RETSAT: variants seen among roughly 807,000 people sequenced by gnomAD.
The protein encoded by RETSAT is retinol saturase.
Under a neutral mutation model 61.6 loss-of-function variants are expected in RETSAT, and 35 were observed. The observed-to-expected ratio is 0.57, with a 90% CI of 0.43 to 0.75. The LOEUF is 0.75. RETSAT is among the 30% of genes least tolerant of loss of function. The pLI is 0.00. For missense variants in RETSAT, 670 were observed against 759.5 expected, an observed-to-expected ratio of 0.88 and a Z score of 1.38; for synonymous variants, 277 against 310.4, an observed-to-expected ratio of 0.89 and a Z score of 1.13.
Position 85,349,448 on chromosome 2 carries a change from C to T in RETSAT, c.933G>A (p.Gly311=), listed in dbSNP as rs778965663. Residue 311 remains glycine (G), a synonymous_variant, in exon 5 of 11, where the codon GGG becomes GGA. Transcript: ENST00000295802. ...FHTIPVIQRA[G]GAVLTKATVQ... ...CAGTGGCCTTTGTGAGGACAGCGCC[C>T]CCAGCCCGCTGAATCACAGGGATGG... is the stretch of plus-strand genomic sequence containing the variant. The T allele has an allele frequency of 1.9e-6, 3 of 1,614,172 alleles. No homozygotes were observed. In the Admixed American group the frequency reaches 5.0e-5, roughly 27 times the overall value.
At chr2:85,346,127 G>T (rs1239099203) in intron 5 of RETSAT, 33 bp from the exon 6 acceptor site, 1 of 1,594,326 alleles carries the variant, frequency 6.3e-7, no homozygotes, top group Non-Finnish European at 8.6e-7. Flanking sequence ...GAGGGTCTGT[G>T]AGCTCTGGGA....
chr2:85,350,988 C>A lies in RETSAT; in HGVS notation c.389G>T (p.Ser130Ile), dbSNP rs1426106732. The change falls in exon 3 of 11, where the codon AGC (serine) becomes ATC (isoleucine). Residue 130 changes from serine to isoleucine, a missense_variant. Coordinates refer to ENST00000295802, the MANE Select transcript of RETSAT (RefSeq NM_017750.4). ...CTGGTCCAAGATAAAACGGCCAATG[C>A]TGCCCTCTTCCATACGCCCAATGTA... is the stretch of plus-strand genomic sequence containing the variant. ...IHYIGRMEEG[S>I]IGRFILDQIT... 3.1e-6 allele frequency: 5 copies of A among 1,614,034 alleles called. No individual in the cohort carries two copies. The highest frequency in any genetic ancestry group is 4.2e-6 in the Non-Finnish European group (5 of 1,180,036).
intron 1 of RETSAT, among the ~76,000 whole-genome samples, chr2:85,354,059 G>T (rs539290704): frequency 2.0e-5 from 3 of 149,962 alleles, no homozygotes; most frequent in Non-Finnish European, 3.0e-5. Flanking sequence ...ACGAGCCACG[G>T]GGATTACAAG....
rs181276284 is a variant in RETSAT at position 85,353,788 on chromosome 2, T to C, written c.172+548A>G. The stretch of plus-strand genomic sequence containing the variant: ...TTAAACTCTAGAAGCAACCACAAAA[T>C]ATGTTTTAAAGATGAGAGTGGAGAG... On this transcript the variant is annotated intron_variant, in intron 1 of 10. Transcript: ENST00000295802. Among the ~76,000 whole-genome samples the C allele has an allele frequency of 1.4e-3, 211 of 152,300 alleles. 1 individual carries two copies. The highest frequency in any genetic ancestry group is 2.6e-3 in the Non-Finnish European group (180 of 68,024).
chr2:85,344,359 C>T lies in RETSAT; in HGVS notation c.1257-11G>A. ...ACGTAGCGCTCCATCCTGCATGTGA[C>T]AAGAGTGTGGTGGGATCTCCAGGTT... On this transcript the variant is annotated splice_polypyrimidine_tract_variant and intron_variant, in intron 7 of 10. Transcript: ENST00000295802. 1 of 1,613,304 alleles carries T rather than the reference C, an allele frequency of 6.2e-7. No individual in the cohort carries two copies. Among genetic ancestry groups the T allele is most frequent in the Admixed American group, 1.7e-5 (1 of 60,004 alleles).
In RETSAT at chr2:85,344,182, A is replaced by C. The variant is rs756163104; in HGVS notation, c.1367-17T>G. ...TGGACCGGCCTGGGGATCAGAGCTG[A>C]TATTACTACTGCCCGGCCTCTCCCT... On this transcript the variant is annotated splice_polypyrimidine_tract_variant and intron_variant, in intron 8 of 10. Transcript: ENST00000295802. The C allele has an allele frequency of 6.2e-7, 1 of 1,613,844 alleles. No homozygotes were observed. Among genetic ancestry groups the C allele is most frequent in the Non-Finnish European group, 8.5e-7 (1 of 1,179,976 alleles).
rs1458746653 is a variant in RETSAT at position 85,349,507 on chromosome 2, G to A, written c.874C>T (p.Pro292Ser). ...GCAATTTCACTGGAACCCCCTCGGG[G>A]ATAAAAGCCTCCTTTCATGTAGTGG... is the stretch of plus-strand genomic sequence containing the variant. ...VNHYMKGGFY[P>S]RGGSSEIAFH... Residue 292 changes from proline to serine, a missense_variant, in exon 5 of 11, where the codon CCC becomes TCC. Transcript: ENST00000295802. The A allele has an allele frequency of 6.8e-6, 11 of 1,614,068 alleles. No individual in the cohort carries two copies. Among genetic ancestry groups the A allele is most frequent in the Non-Finnish European group, 8.5e-6 (10 of 1,180,048 alleles).
At position 85,350,963 on chromosome 2, in the gene RETSAT, C is replaced by G. The variant is rs780265249; in HGVS notation, c.414G>C (p.Gln138His). 1 of 1,614,136 alleles carries G rather than the reference C, an allele frequency of 6.2e-7. No homozygotes were observed. The highest frequency in any genetic ancestry group is 2.2e-5 in the East Asian group (1 of 44,868). The part of the protein sequence containing the change: ...EGSIGRFILD[Q>H]ITEGQLDWAP... Reference sequence around the variant, plus strand: ...CCCAGTCCAGCTGCCCTTCAGTGATCTGGTCCAAGATAAAACGGCCAATGC... The same window carrying G: ...CCCAGTCCAGCTGCCCTTCAGTGATGTGGTCCAAGATAAAACGGCCAATGC... The change falls in exon 3 of 11, where the codon CAG (glutamine) becomes CAC (histidine). Residue 138 changes from glutamine (Q) to histidine (H), a missense_variant. Gln to His is a conservative substitution (Grantham distance 24). Transcript: ENST00000295802.
rs1042221307 is a variant in RETSAT at position 85,342,961 on chromosome 2, A to C, written c.*281T>G. 30 of 333,484 alleles carry C rather than the reference A, an allele frequency of 9.0e-5. 1 individual carries two copies. The highest frequency in any genetic ancestry group is 1.6e-4 in the Non-Finnish European group (28 of 174,418). 20.7% of individuals were successfully genotyped at this position (333,484 alleles called of 1,614,324 possible). ...TAGGAGGCATGGGTGAGGGATGCAG[A>C]GCGCCGCTCGTCATGAGACATCAAG... On this transcript the variant is annotated 3_prime_UTR_variant, in exon 11 of 11. Coordinates refer to ENST00000295802, the MANE Select transcript of RETSAT (RefSeq NM_017750.4).
Position 85,342,015 on chromosome 2 carries a change from A to C in RETSAT, c.*1227T>G. 1 of 511,032 alleles carries C rather than the reference A, an allele frequency of 2.0e-6. No homozygotes were observed. The highest frequency in any genetic ancestry group is 3.2e-5 in the South Asian group (1 of 31,568). The allele number at this position is 511,032 out of a possible 1,614,324, so 31.7% of individuals were successfully genotyped here. ...CTTATTTTGGTGTTATTCAGTATAT[A>C]GTGTTTTACTGAGCTTCTGCAAATG... On this transcript the variant is annotated 3_prime_UTR_variant, in exon 11 of 11. Coordinates refer to ENST00000295802, the MANE Select transcript of RETSAT (RefSeq NM_017750.4).
At chr2:85,348,612 C>CA (rs1683242483) in intron 5 of RETSAT, among the ~76,000 whole-genome samples, 1 of 103,854 alleles carries the variant, frequency 9.6e-6, no homozygotes, top group Non-Finnish European at 1.8e-5. Flanking sequence ...GCCTGGGCAA[C>CA]AGAGCGAGAC....
At chr2:85,347,845 T>TA (rs932625346) in intron 5 of RETSAT, among the ~76,000 whole-genome samples, 7 of 152,220 alleles carry the variant, frequency 4.6e-5, no homozygotes, top group African/African-American at 1.7e-4. Flanking sequence ...TACCACCCGG[T>TA]AACTTATCAG....
At chr2:85,353,611 T>C (rs1683357702) in intron 1 of RETSAT, among the ~76,000 whole-genome samples, 1 of 152,200 alleles carries the variant, frequency 6.6e-6, no homozygotes, top group Non-Finnish European at 1.5e-5. Context: ...AACTCAGTTC[T>C]CAGAAGTCCA....
In RETSAT at chr2:85,341,965, A is replaced by G; in HGVS notation, c.*1277T>C. The stretch of plus-strand genomic sequence containing the variant: ...AGACCCCACTTTTTGTAACTTTATA[A>G]TTACTTAATTTTATTTTTTTAAAGC... On this transcript the variant is annotated 3_prime_UTR_variant, in exon 11 of 11. Coordinates refer to ENST00000295802, the MANE Select transcript of RETSAT (RefSeq NM_017750.4). The G allele has an allele frequency of 1.6e-6, 1 of 620,328 alleles. No individual in the cohort carries two copies. Among genetic ancestry groups the G allele is most frequent in the Non-Finnish European group, 2.7e-6 (1 of 363,870 alleles). 38.4% of individuals were successfully genotyped at this position (620,328 alleles called of 1,614,324 possible). A position where few individuals can be genotyped will look rare whatever the true frequency, so the allele number is the denominator to read the frequency against.
At chr2:85,352,143 C>T (rs746995551) in intron 1 of RETSAT, among the ~76,000 whole-genome samples, 21 of 152,218 alleles carry the variant, frequency 1.4e-4, no homozygotes, top group Non-Finnish European at 7.3e-5. Context: ...CAGCCTTGAA[C>T]TCCTGGCCTC....
chr2:85,348,608 G>C (rs1367871684), intron 5 of RETSAT, among the ~76,000 whole-genome samples: 2 of 122,486 alleles, frequency 1.6e-5, no homozygotes, highest in African/African-American at 6.4e-5. Context: ...TCCAGCCTGG[G>C]CAACAGAGCG....
rs775576032 is a variant in RETSAT, at chr2:85,350,076, G to A, written c.763C>T (p.Leu255Phe). 4.3e-6 allele frequency: 7 copies of A among 1,613,818 alleles called. No individual in the cohort carries two copies. The highest frequency in any genetic ancestry group is 5.9e-6 in the Non-Finnish European group (7 of 1,180,040). Residue 255 changes from leucine to phenylalanine, a missense_variant, in exon 4 of 11, where the codon CTC (leucine) becomes TTC (phenylalanine). Coordinates refer to ENST00000295802, the MANE Select transcript of RETSAT (RefSeq NM_017750.4). ...AAGATGTAGCTGAGTACTGCCTGGAGCTCAGAGGAGGCCCCCAGCTGCTGC... is the reference window on the plus strand; with the variant it reads ...AAGATGTAGCTGAGTACTGCCTGGAACTCAGAGGAGGCCCCCAGCTGCTGC... ...VLQQLGASSELQAVLSYIFPT... is the reference protein window; with the variant it reads ...VLQQLGASSEFQAVLSYIFPT...
Position 85,354,338 on chromosome 2 carries a change from T to C in RETSAT, c.170A>G (p.Gln57Arg), listed in dbSNP as rs201975804. Residue 57 changes from glutamine to arginine, a missense_variant and splice_region_variant, in exon 1 of 11, where the codon CAA becomes CGA. By Grantham distance (43) the Gln-to-Arg change is conservative (BLOSUM62 1). Transcript: ENST00000295802. ...DKEARKKVLK[Q>R]AFSANQVPEK... The stretch of plus-strand genomic sequence containing the variant: ...GACCCCAGGGTCCCTCCTGCTACCT[T>C]GTTTGAGAACCTTCTTCCTGGCCTC... 326 of 1,614,070 alleles carry C rather than the reference T, an allele frequency of 2.0e-4. No individual in the cohort carries two copies. The highest frequency in any genetic ancestry group is 2.5e-4 in the South Asian group (23 of 91,090).
At position 85,350,138 on chromosome 2, in the gene RETSAT, A is replaced by G. The variant is rs1683273643; in HGVS notation, c.701T>C (p.Phe234Ser). Residue 234 changes from phenylalanine (F) to serine (S), a missense_variant, in exon 4 of 11, where the codon TTC becomes TCC. Physicochemically the swap from Phe to Ser is radical, Grantham distance 155 (BLOSUM62 -2). Coordinates refer to ENST00000295802, the MANE Select transcript of RETSAT (RefSeq NM_017750.4). ...CAGGCTCTGGGTGGATGCTTGAAGG[A>G]ATGGAGAGAAACGAGTCAGCAGCCC... ...RCGLLTRFSP[F>S]LQASTQSLAE... The G allele has an allele frequency of 6.2e-7, 1 of 1,613,800 alleles. No homozygotes were observed. Among genetic ancestry groups the G allele is most frequent in the Admixed American group, 1.7e-5 (1 of 59,980 alleles).
Sources: allele counts gnomAD v4.1 joint callset (sites outside exome capture counted in the v4.1 genomes callset), GRCh38; gene constraint gnomAD v4.1.1; transcripts MANE v1.5; gene names NCBI Gene and HGNC (gene_info 2026-07-23, HGNC 2026-07-21).